Variants in ANO6 observed in about 807,000 individuals in gnomAD.
ANO6 encodes anoctamin-6.
Under a neutral mutation model 117.5 loss-of-function variants are expected in ANO6, and 106 were observed. The ratio of observed to expected loss-of-function variants is 0.90; its 90% CI spans 0.77 to 1.06. The LOEUF is 1.06. Among genes scored for constraint, ANO6 ranks in the 50% least tolerant of loss-of-function variants. The probability of loss-of-function intolerance (pLI) is 0.00; values close to 1 mark genes in which losing one functional copy is unlikely to be tolerated. For missense variants in ANO6, 955 were observed against 1,121.1 expected, an observed-to-expected ratio of 0.85 and a Z score of 2.12; for synonymous variants, 367 against 385.1, an observed-to-expected ratio of 0.95 and a Z score of 0.55.
intron 7 of ANO6, among the ~76,000 whole-genome samples, chr12:45,355,846 A>C (rs1941397553): frequency 6.6e-6 from 1 of 151,824 alleles, no homozygotes; most frequent in East Asian, 1.9e-4. Context: ...GTCTCCCAGG[A>C]CTCCAGGTTT....
At chr12:45,347,350 A>G (rs1346746046) in intron 4 of ANO6, 2 of 444,644 alleles carry the variant, frequency 4.5e-6, no homozygotes, top group East Asian at 3.3e-5. Context: ...AGAAACTTCT[A>G]AAAGCTTTTT....
intron 1 of ANO6, chr12:45,292,793 T>G (rs995057258): frequency 1.3e-6 from 2 of 1,484,556 alleles, no homozygotes; most frequent in African/African-American, 1.4e-5. Flanking sequence ...CTGAAACTCT[T>G]CTCAGAAATA....
chr12:45,428,384 G>T (rs932970127), intron 19 of ANO6, among the ~76,000 whole-genome samples: 1 of 152,174 alleles, frequency 6.6e-6, no homozygotes, highest in Non-Finnish European at 1.5e-5. Flanking sequence ...AGGCCAAGTT[G>T]GGAGGATTGC....
intron 1 of ANO6, among the ~76,000 whole-genome samples, chr12:45,254,925 T>C (rs1487911971): frequency 6.6e-6 from 1 of 152,208 alleles, no homozygotes. Flanking sequence ...CATTTTTAAA[T>C]AACCCTCATC....
chr12:45,282,406 G>A (rs1329608359), intron 1 of ANO6, among the ~76,000 whole-genome samples: 1 of 152,220 alleles, frequency 6.6e-6, no homozygotes, highest in African/African-American at 2.4e-5. Flanking sequence ...GCGCAGTCAA[G>A]GAGGAGGCAC....
intron 9 of ANO6, among the ~76,000 whole-genome samples, chr12:45,375,009 C>G (rs1410972399): frequency 6.6e-6 from 1 of 151,538 alleles, no homozygotes; most frequent in Admixed American, 6.6e-5. Context: ...AGCAAAGTCT[C>G]AGGATACAAA....
chr12:45,216,533 C>T (rs1383478909), intron 1 of ANO6, 142 bp downstream of exon 1: 12 of 923,282 alleles, frequency 1.3e-5, no homozygotes, highest in Non-Finnish European at 1.7e-5. Context: ...AGGAAGCCCG[C>T]TGTCCCCGGC....
intron 8 of ANO6, among the ~76,000 whole-genome samples, chr12:45,362,042 A>C (rs1031165514): frequency 5.9e-5 from 9 of 152,124 alleles, no homozygotes; most frequent in Admixed American, 3.3e-4. Flanking sequence ...TGTTTTTAAA[A>C]GAGTTTATGA....
chr12:45,253,014 T>C (rs1241093540), intron 1 of ANO6, among the ~76,000 whole-genome samples: 1 of 152,202 alleles, frequency 6.6e-6, no homozygotes, highest in Admixed American at 6.5e-5. Context: ...CATCACTGAA[T>C]TTTTCTTGCT....
intron 15 of ANO6, among the ~76,000 whole-genome samples, chr12:45,403,962 C>CTA (rs139583905): frequency 0.015 from 2,238 of 150,660 alleles, 43 homozygotes; most frequent in African/African-American, 0.049. Flanking sequence ...ATATTAAGTG[C>CTA]TATATATATA....
chr12:45,407,481 C>A (rs1942967201), intron 15 of ANO6, among the ~76,000 whole-genome samples: 2 of 6,394 alleles, frequency 3.1e-4, no homozygotes, highest in Admixed American at 1.5e-3. Context: ...CTACCTGAGT[C>A]ACCCCCCCCC....
chr12:45,373,245 C>T (rs1315632062), intron 9 of ANO6, among the ~76,000 whole-genome samples: 1 of 152,166 alleles, frequency 6.6e-6, no homozygotes, highest in Non-Finnish European at 1.5e-5. Context: ...GACTTAGACA[C>T]CCACACATTA....
intron 2 of ANO6, among the ~76,000 whole-genome samples, chr12:45,320,331 T>C (rs1206747327): frequency 1.3e-5 from 2 of 152,290 alleles, no homozygotes; most frequent in East Asian, 3.9e-4. Flanking sequence ...TTTTTTCTCG[T>C]TGGTTTCAAA....
intron 15 of ANO6, among the ~76,000 whole-genome samples, chr12:45,406,449 A>G (rs1430931054): frequency 2.6e-5 from 4 of 152,238 alleles, no homozygotes; most frequent in Admixed American, 6.5e-5. Context: ...AATGTCAGAG[A>G]TAATAGAATT....
intron 6 of ANO6, 43 bp downstream of exon 6, chr12:45,348,674 C>T: frequency 1.4e-6 from 2 of 1,441,322 alleles, no homozygotes; most frequent in Non-Finnish European, 2.0e-6. Context: ...CTTCTGTATA[C>T]TCTGGTGTTG....
intron 1 of ANO6, among the ~76,000 whole-genome samples, chr12:45,227,237 G>A (rs1482377756): frequency 2.0e-5 from 3 of 152,038 alleles, no homozygotes; most frequent in Non-Finnish European, 4.4e-5. Flanking sequence ...TGATCCACCC[G>A]CCTTGGCCTC....
chr12:45,361,602 C>A (rs934336065), intron 8 of ANO6, among the ~76,000 whole-genome samples: 1 of 152,076 alleles, frequency 6.6e-6, no homozygotes, highest in African/African-American at 2.4e-5. Context: ...CAGTCTTTCA[C>A]CATTAAGTGT....
At chr12:45,403,633 C>A in intron 15 of ANO6, 97 bp downstream of exon 15, 2 of 978,898 alleles carry the variant, frequency 2.0e-6, no homozygotes, top group Non-Finnish European at 3.2e-6. Flanking sequence ...AGCCACATAG[C>A]TGCATGTCCA....
At chr12:45,306,144 G>A (rs919492807) in intron 2 of ANO6, among the ~76,000 whole-genome samples, 1 of 152,142 alleles carries the variant, frequency 6.6e-6, no homozygotes. Flanking sequence ...GAAAACACAA[G>A]GAAAGAGAAG....
Sources: gnomAD v4.1 joint callset for allele counts (sites outside exome capture counted in the v4.1 genomes callset) on GRCh38, gnomAD v4.1.1 for gene constraint, MANE v1.5 for transcripts, NCBI Gene and HGNC (gene_info 2026-07-23, HGNC 2026-07-21) for gene names.